Variants in ZNF423 observed in about 807,000 individuals in gnomAD.
ZNF423 encodes zinc finger protein 423.
In ZNF423, 12 loss-of-function variants were observed where a neutral mutation model predicts 95.8. The observed-to-expected ratio is 0.13, with a 90% CI of 0.08 to 0.20. The LOEUF (loss-of-function observed/expected upper bound fraction) is 0.20. ZNF423 is among the 10% of genes least tolerant of loss of function. The probability of loss-of-function intolerance (pLI) is 1.00; values close to 1 mark genes in which losing one functional copy is unlikely to be tolerated. For synonymous variants in ZNF423, 749 were observed against 711.9 expected (o/e 1.05, Z -0.83); for missense variants, 1,316 against 1,737.1 (o/e 0.76, Z 4.31).
chr16:49,757,633 G>A (rs938031575), intron 2 of ZNF423, among the ~76,000 whole-genome samples: 6 of 152,104 alleles, frequency 3.9e-5, no homozygotes, highest in Admixed American at 1.3e-4. Context: ...AGCCAGACAC[G>A]TGACCACCTG....
Position 49,635,762 on chromosome 16 carries a change from C to G in ZNF423, c.3414G>C (p.Glu1138Asp). ...LRCPECSVKF[E>D]SAEDLESHMQ... ...TGTGGCTCTCCAGGTCTTCGGCACT[C>G]TCAAACTTGACACTGCACTCGGGGC... Residue 1138 changes from glutamate to aspartate, a missense_variant, in exon 4 of 8, where the codon GAG (glutamate) becomes GAC (aspartate). By Grantham distance (45) the Glu-to-Asp change is conservative. Around this residue, in one of 6 missense-constraint regions of ZNF423, gnomAD observed 620 missense variants for 775.6 expected, o/e 0.80. Coordinates refer to ENST00000563137, the MANE Select transcript of ZNF423 (RefSeq NM_001379286.1). The surrounding 1 kb of genome is among the most constrained non-coding windows in gnomAD (Gnocchi z 4.8). 6.2e-7 allele frequency: 1 copy of G among 1,613,018 alleles called. No individual in the cohort carries two copies. The highest frequency in any genetic ancestry group is 8.5e-7 in the Non-Finnish European group (1 of 1,179,890).
intron 1 of ZNF423, among the ~76,000 whole-genome samples, chr16:49,843,839 C>T (rs1327266181): frequency 6.6e-6 from 1 of 152,022 alleles, no homozygotes; most frequent in Non-Finnish European, 1.5e-5. Flanking sequence ...CAGACCACCC[C>T]CCCTCCAAAG....
At chr16:49,792,025 AG>A (rs1301315037) in intron 1 of ZNF423, among the ~76,000 whole-genome samples, 1 of 151,450 alleles carries the variant, frequency 6.6e-6, no homozygotes, top group Non-Finnish European at 1.5e-5. Flanking sequence ...AAAAAAAGAA[AG>A]AAAGTGGATC....
chr16:49,621,612 G>A (rs1028032937), intron 5 of ZNF423, among the ~76,000 whole-genome samples: 6 of 152,132 alleles, frequency 3.9e-5, no homozygotes, highest in Non-Finnish European at 8.8e-5. Context: ...AGCTGAACAG[G>A]GCCACTTCTA....
intron 2 of ZNF423, among the ~76,000 whole-genome samples, chr16:49,738,718 G>A (rs2033348140): frequency 1.3e-5 from 2 of 152,064 alleles, no homozygotes; most frequent in South Asian, 4.1e-4. Flanking sequence ...AGGTGAGAGT[G>A]AGAGGGCAGC....
chr16:49,749,183 C>G (rs2033585321), intron 2 of ZNF423, among the ~76,000 whole-genome samples: 1 of 152,146 alleles, frequency 6.6e-6, no homozygotes, highest in Non-Finnish European at 1.5e-5. Context: ...AGTGAGGTCC[C>G]CTGGGAGCCC....
At chr16:49,521,014 A>G (rs1380286869) in intron 7 of ZNF423, among the ~76,000 whole-genome samples, 1 of 152,244 alleles carries the variant, frequency 6.6e-6, no homozygotes. Flanking sequence ...GGGATGACCC[A>G]GGAAACCACC....
At chr16:49,622,700 C>G (rs1009821370) in intron 5 of ZNF423, among the ~76,000 whole-genome samples, 1 of 152,188 alleles carries the variant, frequency 6.6e-6, no homozygotes, top group African/African-American at 2.4e-5. Flanking sequence ...ATGGAGGGAC[C>G]CTAGCTGTGG....
intron 3 of ZNF423, among the ~76,000 whole-genome samples, chr16:49,692,688 C>A (rs956481735): frequency 1.3e-5 from 2 of 152,222 alleles, no homozygotes; most frequent in African/African-American, 4.8e-5. Context: ...TGGGTGGACA[C>A]CCCTGAAGGA....
chr16:49,679,290 GC>G (rs2031251747), intron 3 of ZNF423, among the ~76,000 whole-genome samples: 1 of 152,238 alleles, frequency 6.6e-6, no homozygotes, highest in East Asian at 1.9e-4. Flanking sequence ...GCTGGCGGGA[GC>G]CGGAAACAGG....
chr16:49,658,977 A>C (rs2030047868), intron 3 of ZNF423, among the ~76,000 whole-genome samples: 1 of 152,204 alleles, frequency 6.6e-6, no homozygotes, highest in African/African-American at 2.4e-5. Context: ...AGACCTGAAT[A>C]TCAGCCACAC....
In ZNF423 at chr16:49,525,255, C is replaced by T. The variant is rs59065575; in HGVS notation, c.3733+108G>A. The T allele has an allele frequency of 0.036, 54,555 of 1,512,078 alleles. 1,363 individuals carry two copies. Among genetic ancestry groups the T allele is most frequent in the African/African-American group, 0.12 (8,421 of 72,972 alleles). 93.7% of individuals were successfully genotyped at this position (1,512,078 alleles called of 1,614,324 possible). On this transcript the variant is annotated intron_variant, in intron 6 of 7. Coordinates refer to ENST00000563137, the MANE Select transcript of ZNF423 (RefSeq NM_001379286.1). The stretch of plus-strand genomic sequence containing the variant: ...TCCCCAACGGAGTCCTGGTCTATAA[C>T]AGGCCTGCCAAGGAAAGAGGAAGAG...
Position 49,642,806 on chromosome 16 carries a change from T to TTC in ZNF423, c.302-3933_302-3932insGA, listed in dbSNP as rs1567527717. ...AGAGAAAGCGGTTCTCTTTTCTTTTTTTTTTTTTTTTTTTTTTTGGCAGGG... is the reference window on the plus strand; with the variant it reads ...AGAGAAAGCGGTTCTCTTTTCTTTTTTCTTTTTTTTTTTTTTTTTTGGCAGGG... On this transcript the variant is annotated intron_variant, in intron 3 of 7. Coordinates refer to ENST00000563137, the MANE Select transcript of ZNF423 (RefSeq NM_001379286.1). Among the ~76,000 whole-genome samples the TTC allele has an allele frequency of 5.7e-4, 82 of 143,442 alleles. 1 individual carries two copies. Among genetic ancestry groups the TTC allele is most frequent in the East Asian group, 5.0e-3 (25 of 4,962 alleles). The allele number at this position is 143,442 out of a possible 152,430, so 94.1% of individuals were successfully genotyped here.
chr16:49,707,050 C>T (rs2032375338), intron 3 of ZNF423, among the ~76,000 whole-genome samples: 1 of 152,218 alleles, frequency 6.6e-6, no homozygotes, highest in South Asian at 2.1e-4. Context: ...TCCCACTAGG[C>T]TTGGAATAAA....
At chr16:49,739,952 G>A (rs928158174) in intron 2 of ZNF423, among the ~76,000 whole-genome samples, 3 of 151,896 alleles carry the variant, frequency 2.0e-5, no homozygotes, top group Admixed American at 6.6e-5. Context: ...TCTGCCTCCC[G>A]GGTTCAAGTG....
At chr16:49,583,700 A>T (rs1180037691) in intron 5 of ZNF423, among the ~76,000 whole-genome samples, 1 of 152,226 alleles carries the variant, frequency 6.6e-6, no homozygotes. Flanking sequence ...CCAAATCTAT[A>T]TCCAATAATG....
At chr16:49,740,157 T>C (rs910297904) in intron 2 of ZNF423, among the ~76,000 whole-genome samples, 3 of 152,134 alleles carry the variant, frequency 2.0e-5, no homozygotes, top group Admixed American at 2.0e-4. Context: ...TGAGCCACTG[T>C]ACCCCGCCGA....
At chr16:49,565,390 C>T (rs1293752589) in intron 5 of ZNF423, among the ~76,000 whole-genome samples, 1 of 152,236 alleles carries the variant, frequency 6.6e-6, no homozygotes, top group Non-Finnish European at 1.5e-5. Context: ...CCCAACTTCT[C>T]ATCCCAAGGA....
chr16:49,755,715 T>C (rs1319328544), intron 2 of ZNF423, among the ~76,000 whole-genome samples: 1 of 152,176 alleles, frequency 6.6e-6, no homozygotes, highest in Non-Finnish European at 1.5e-5. Context: ...TAAATTGTAG[T>C]TGGTTAAAAA....
Sources: gnomAD v4.1 joint callset for allele counts (sites outside exome capture counted in the v4.1 genomes callset) on GRCh38, gnomAD v4.1.1 for gene constraint, gnomAD v4.1.1 regional missense constraint, Gnocchi (gnomAD v3.1) non-coding constraint, MANE v1.5 for transcripts, NCBI Gene and HGNC (gene_info 2026-07-23, HGNC 2026-07-21) for gene names.